Variants in GRIN2A observed in about 807,000 individuals in gnomAD.
GRIN2A encodes the protein glutamate receptor ionotropic, NMDA 2A.
GRIN2A carries 22 observed loss-of-function variants against 113.4 expected under a neutral mutation model. The observed-to-expected ratio is 0.19, with a 90% CI of 0.14 to 0.28. GRIN2A has a LOEUF of 0.28. Ranked by LOEUF, GRIN2A falls within the 10% of genes least tolerant of loss-of-function variation. GRIN2A has a pLI of 1.00. For missense variants in GRIN2A, 1,502 were observed against 1,887.0 expected, an observed-to-expected ratio of 0.80 and a Z score of 3.78; for synonymous variants, 827 against 738.4, an observed-to-expected ratio of 1.12 and a Z score of -1.94.
In GRIN2A at chr16:9,754,579, A is replaced by G. The variant is rs1900283293; in HGVS notation, c.*8570T>C. ...GCCTGAATCTTTTGTTTTTAAACTGAAACATTTACGTAAGTGGTCATGGCC... is the reference window on the plus strand; with the variant it reads ...GCCTGAATCTTTTGTTTTTAAACTGGAACATTTACGTAAGTGGTCATGGCC... On this transcript the variant is annotated 3_prime_UTR_variant, in exon 13 of 13. Transcript: ENST00000330684. 4.7e-6 allele frequency: 1 copy of G among 212,552 alleles called. No individual in the cohort carries two copies. The highest frequency in any genetic ancestry group is 9.5e-6 in the Non-Finnish European group (1 of 105,142). The allele number at this position is 212,552 out of a possible 1,614,324, so 13.2% of individuals were successfully genotyped here. A position where few individuals can be genotyped will look rare whatever the true frequency, so the allele number is the denominator to read the frequency against.
chr16:9,840,129 C>G (rs1448503013), intron 7 of GRIN2A, among the ~76,000 whole-genome samples: 3 of 152,010 alleles, frequency 2.0e-5, no homozygotes, highest in Non-Finnish European at 4.4e-5. Context: ...AAAAAATAAA[C>G]TGTCTGAGAT....
chr16:9,948,710 G>T (rs1290032804), intron 2 of GRIN2A, among the ~76,000 whole-genome samples: 1 of 152,234 alleles, frequency 6.6e-6, no homozygotes, highest in Non-Finnish European at 1.5e-5. Flanking sequence ...TAAAGGAAGA[G>T]GGGCCACCCT....
chr16:9,988,090 T>C (rs2046013601), intron 2 of GRIN2A, among the ~76,000 whole-genome samples: 1 of 152,094 alleles, frequency 6.6e-6, no homozygotes, highest in Admixed American at 6.5e-5. Context: ...CCCATATGGC[T>C]TCCACAACAC....
intron 2 of GRIN2A, among the ~76,000 whole-genome samples, chr16:10,051,966 T>C (rs2047367546): frequency 6.6e-6 from 1 of 152,250 alleles, no homozygotes; most frequent in Non-Finnish European, 1.5e-5. Flanking sequence ...CACTGTCACA[T>C]ACTAAAAAGT....
intron 2 of GRIN2A, among the ~76,000 whole-genome samples, chr16:10,099,439 T>C (rs2048352206): frequency 6.6e-6 from 1 of 152,092 alleles, no homozygotes; most frequent in South Asian, 2.1e-4. Context: ...AGCAAATAAC[T>C]GAGAGAAGGA....
At chr16:10,132,676 G>A (rs770063118) in intron 2 of GRIN2A, among the ~76,000 whole-genome samples, 3 of 152,094 alleles carry the variant, frequency 2.0e-5, no homozygotes, top group African/African-American at 7.2e-5. Context: ...TCATTGCCTC[G>A]GTTTCCACAA....
At chr16:9,915,892 A>G (rs2044240058) in intron 3 of GRIN2A, among the ~76,000 whole-genome samples, 2 of 152,240 alleles carry the variant, frequency 1.3e-5, no homozygotes, top group South Asian at 4.1e-4. Flanking sequence ...TTAGCACAGT[A>G]TGCCAGACAC....
chr16:9,892,233 G>GA (rs34965812), intron 3 of GRIN2A, among the ~76,000 whole-genome samples: 39,802 of 151,806 alleles, frequency 0.26, 5,656 homozygotes, highest in African/African-American at 0.36. Flanking sequence ...CCCTGTCTCA[G>GA]AAAAACAAAC....
rs1293875771 is a variant in GRIN2A at position 9,952,007 on chromosome 16, C to T, written c.415-13456G>A. 6.6e-5 allele frequency among the ~76,000 whole-genome samples: 10 copies of T among 152,314 alleles called. No individual in the cohort carries two copies. The South Asian group carries it at 1.0e-3, about 16-fold the overall frequency. On this transcript the variant is annotated intron_variant, in intron 2 of 12. Coordinates refer to ENST00000330684, the MANE Select transcript of GRIN2A (RefSeq NM_001134407.3). ...CCTCCCAGCCCCCAACGATACCGCT[C>T]ACCCTTGGGTATTTCATATTTGCTG...
intron 2 of GRIN2A, among the ~76,000 whole-genome samples, chr16:9,985,244 T>A (rs1243667061): frequency 6.6e-6 from 1 of 152,224 alleles, no homozygotes; most frequent in Non-Finnish European, 1.5e-5. Flanking sequence ...TGGGGCCAAT[T>A]ATTTATATGT....
At chr16:10,001,530 A>G (rs3848328) in intron 2 of GRIN2A, among the ~76,000 whole-genome samples, 102,161 of 152,010 alleles carry the variant, frequency 0.67, 34,662 homozygotes, top group Non-Finnish European at 0.71. Context: ...CTTATGGCTG[A>G]TGCCCCATCG....
intron 4 of GRIN2A, among the ~76,000 whole-genome samples, chr16:9,880,813 C>T (rs1311937218): frequency 6.6e-6 from 1 of 152,192 alleles, no homozygotes; most frequent in Non-Finnish European, 1.5e-5. Context: ...ACGAGAAATC[C>T]TCCATACAAA....
At chr16:10,042,937 T>C (rs1596456343) in intron 2 of GRIN2A, among the ~76,000 whole-genome samples, 1 of 152,340 alleles carries the variant, frequency 6.6e-6, no homozygotes, top group East Asian at 1.9e-4. Context: ...TGGATTCTTG[T>C]TGATACCACT....
chr16:9,916,162 G>T (rs911100404), intron 3 of GRIN2A, among the ~76,000 whole-genome samples: 2 of 152,124 alleles, frequency 1.3e-5, no homozygotes, highest in Admixed American at 6.5e-5. Flanking sequence ...GCAACTCAAA[G>T]AATTGTTATG....
At chr16:10,005,311 T>G (rs2046387330) in intron 2 of GRIN2A, among the ~76,000 whole-genome samples, 1 of 152,240 alleles carries the variant, frequency 6.6e-6, no homozygotes, top group Non-Finnish European at 1.5e-5. Context: ...AGTTGATTTC[T>G]CTCCTGCTTT....
intron 2 of GRIN2A, among the ~76,000 whole-genome samples, chr16:10,025,198 A>G (rs916601505): frequency 1.3e-5 from 2 of 152,028 alleles, no homozygotes; most frequent in Non-Finnish European, 2.9e-5. Flanking sequence ...GTGCAGCTGA[A>G]TCATAAAACT....
chr16:9,840,623 A>G (rs2042657080), intron 7 of GRIN2A, 24 bp downstream of exon 7: 1 of 1,606,174 alleles, frequency 6.2e-7, no homozygotes, highest in African/African-American at 1.3e-5. Context: ...TAGGAAAGCA[A>G]TAGTCACTAT....
intron 4 of GRIN2A, among the ~76,000 whole-genome samples, chr16:9,853,439 A>G (rs972821587): frequency 1.3e-5 from 2 of 152,174 alleles, no homozygotes; most frequent in African/African-American, 4.8e-5. Flanking sequence ...TTTCCACCAT[A>G]TCAGTATGCA....
chr16:9,898,438 C>T (rs942494822), intron 3 of GRIN2A, among the ~76,000 whole-genome samples: 3 of 152,116 alleles, frequency 2.0e-5, no homozygotes, highest in Admixed American at 6.6e-5. Flanking sequence ...TTATCTCTTT[C>T]GTCTTATAGT....
Sources: allele counts gnomAD v4.1 joint callset (sites outside exome capture counted in the v4.1 genomes callset), GRCh38; gene constraint gnomAD v4.1.1; transcripts MANE v1.5; gene names NCBI Gene and HGNC (gene_info 2026-07-23, HGNC 2026-07-21).